The following ITGA2 variants were observed in gnomAD, a reference collection of about 807,000 sequenced individuals.
ITGA2 encodes integrin subunit alpha 2.
ITGA2 carries 101 observed loss-of-function variants against 146.3 expected under a neutral mutation model. That is an observed-to-expected ratio of 0.69 (90% CI 0.59 to 0.81). The LOEUF is 0.81. Ranked by LOEUF, ITGA2 falls within the 40% of genes least tolerant of loss-of-function variation. ITGA2 has a pLI of 0.00. For missense variants in ITGA2, 1,281 were observed against 1,402.7 expected (o/e 0.91, Z 1.39); for synonymous variants, 477 against 487.1 (o/e 0.98, Z 0.27).
chr5:53,010,549 C>T (rs28782593), intron 1 of ITGA2, among the ~76,000 whole-genome samples: 1,535 of 152,176 alleles, frequency 0.01, 28 homozygotes, highest in African/African-American at 0.035. Flanking sequence ...GAATTTTGCC[C>T]CAGGACAGAT....
At chr5:53,074,587 T>A in intron 21 of ITGA2, 110 bp downstream of exon 21, 1 of 828,834 alleles carries the variant, frequency 1.2e-6, no homozygotes, top group Non-Finnish European at 2.1e-6. Flanking sequence ...ACAAAATAAC[T>A]AGCTGCATAC....
intron 26 of ITGA2, among the ~76,000 whole-genome samples, 193 bp from the exon 27 acceptor site, chr5:53,083,147 G>A (rs886185591): frequency 1.3e-5 from 2 of 152,014 alleles, no homozygotes; most frequent in Non-Finnish European, 2.9e-5. Context: ...TGTGCACTTG[G>A]TACATTTTGA....
rs780727497 is a variant in ITGA2, at chr5:53,042,108, C to G, written c.186-4C>G. The G allele has an allele frequency of 6.3e-7, 1 of 1,579,284 alleles. No individual in the cohort carries two copies. Among genetic ancestry groups the G allele is most frequent in the Non-Finnish European group, 8.7e-7 (1 of 1,148,380 alleles). ...TGTGTCTAATAAAAAAAATGTGTTTCTAGGTTACTGGTTGGTTCACCCTGG... is the reference window on the plus strand; with the variant it reads ...TGTGTCTAATAAAAAAAATGTGTTTGTAGGTTACTGGTTGGTTCACCCTGG... On this transcript the variant is annotated splice_polypyrimidine_tract_variant and splice_region_variant and intron_variant, in intron 2 of 29. Transcript: ENST00000296585.
At chr5:53,073,916 T>C (rs1252143518) in intron 20 of ITGA2, among the ~76,000 whole-genome samples, 1 of 117,458 alleles carries the variant, frequency 8.5e-6, no homozygotes, top group African/African-American at 3.3e-5. Context: ...CTACTTCCTT[T>C]AAAGGGAAAA....
rs1309404904 is a variant in ITGA2, at chr5:53,065,863, C to G, written c.1829C>G (p.Ala610Gly). The change falls in exon 15 of 30, where the codon GCC (alanine) becomes GGC (glycine). Residue 610 changes from alanine to glycine, a missense_variant. Around this residue, in one of 3 missense-constraint regions of ITGA2, gnomAD observed 795 missense variants for 841.7 expected, o/e 0.94. Transcript: ENST00000296585. ...YSQKILGSDG[A>G]FRSHLQYFGR... The stretch of plus-strand genomic sequence containing the variant: ...TAGAAAATCTTGGGATCCGATGGAG[C>G]CTTTAGGAGCCATCTCCAGTACTTT... The G allele has an allele frequency of 6.2e-7, 1 of 1,611,748 alleles. No homozygotes were observed. Among genetic ancestry groups the G allele is most frequent in the South Asian group, 1.1e-5 (1 of 91,052 alleles).
At chr5:53,022,367 G>A (rs868816557) in intron 1 of ITGA2, among the ~76,000 whole-genome samples, 24 of 152,126 alleles carry the variant, frequency 1.6e-4, no homozygotes, top group African/African-American at 5.1e-4. Context: ...CTCAGGCTTT[G>A]CTACATTTTT....
At chr5:53,047,522 G>A (rs1744151069) in intron 4 of ITGA2, among the ~76,000 whole-genome samples, 2 of 152,176 alleles carry the variant, frequency 1.3e-5, no homozygotes, top group Admixed American at 6.5e-5. Context: ...TAATTGGGAA[G>A]TGGCCAAAGT....
At chr5:53,016,962 T>C (rs147959994) in intron 1 of ITGA2, among the ~76,000 whole-genome samples, 1 of 152,338 alleles carries the variant, frequency 6.6e-6, no homozygotes, top group African/African-American at 2.4e-5. Context: ...GAAATAGTCA[T>C]TTTGTCTTTC....
chr5:53,080,402 T>G (rs1579902979), intron 24 of ITGA2, 109 bp from the exon 25 acceptor site: 1 of 825,550 alleles, frequency 1.2e-6, no homozygotes. Context: ...TCATTTGGAC[T>G]CAGTCTTACC....
At chr5:53,018,647 C>T (rs556775630) in intron 1 of ITGA2, among the ~76,000 whole-genome samples, 68 of 152,084 alleles carry the variant, frequency 4.5e-4, no homozygotes, top group African/African-American at 1.5e-3. Context: ...TCTTGGCTCC[C>T]GTCTTGGTAT....
At chr5:52,993,258 C>G (rs986556311) in intron 1 of ITGA2, among the ~76,000 whole-genome samples, 1 of 152,160 alleles carries the variant, frequency 6.6e-6, no homozygotes, top group Non-Finnish European at 1.5e-5. Flanking sequence ...GATAAAGTAA[C>G]TTTGCTCCCC....
intron 11 of ITGA2, among the ~76,000 whole-genome samples, chr5:53,060,578 A>G (rs922570955): frequency 6.6e-6 from 1 of 151,868 alleles, no homozygotes; most frequent in African/African-American, 2.4e-5. Flanking sequence ...GTGCAACACT[A>G]CCTTTTAAAT....
chr5:52,989,814 G>GCACGCACA lies in ITGA2; in HGVS notation c.64+285_64+286insGCACACAC, dbSNP rs1554050586. On this transcript the variant is annotated intron_variant, in intron 1 of 29. Transcript: ENST00000296585. Reference sequence around the variant, plus strand: ...AGTGCTTTGTTTTAGGTACACACACGCACACACACACACACACACACAGAC... The same window carrying GCACGCACA: ...AGTGCTTTGTTTTAGGTACACACACGCACGCACACACACACACACACACACACACAGAC... Among the ~76,000 whole-genome samples the GCACGCACA allele has an allele frequency of 4.4e-4, 64 of 145,978 alleles. No individual in the cohort carries two copies. The East Asian group carries it at 0.012, about 28-fold the overall frequency.
At chr5:52,996,100 G>A (rs1334011664) in intron 1 of ITGA2, among the ~76,000 whole-genome samples, 1 of 152,178 alleles carries the variant, frequency 6.6e-6, no homozygotes, top group African/African-American at 2.4e-5. Flanking sequence ...GAAATGTAGA[G>A]AGTGTGAGAA....
In ITGA2 at chr5:53,073,162, T is replaced by G. The variant is rs759539816; in HGVS notation, c.2474T>G (p.Phe825Cys). ...IVSNQNKRLT[F>C]SVTLKNKRES... ...AGCAACCAAAACAAAAGGTTAACATTTTCAGTAACGCTGAAAAATAAAAGG... is the reference window on the plus strand; with the variant it reads ...AGCAACCAAAACAAAAGGTTAACATGTTCAGTAACGCTGAAAAATAAAAGG... The change falls in exon 20 of 30, where the codon TTT becomes TGT. Residue 825 changes from phenylalanine (F) to cysteine (C), a missense_variant. Physicochemically the swap from Phe to Cys is radical, Grantham distance 205 (BLOSUM62 -2). Around this residue, in one of 3 missense-constraint regions of ITGA2, gnomAD observed 475 missense variants for 530.5 expected, o/e 0.90. Transcript: ENST00000296585. 9.9e-6 allele frequency: 16 copies of G among 1,612,408 alleles called. No homozygotes were observed. In the East Asian group the frequency reaches 2.7e-4, roughly 27 times the overall value.
At chr5:53,012,571 T>A (rs1248129180) in intron 1 of ITGA2, among the ~76,000 whole-genome samples, 1 of 152,160 alleles carries the variant, frequency 6.6e-6, no homozygotes, top group Non-Finnish European at 1.5e-5. Flanking sequence ...TAGGCATGCA[T>A]GTGTCTTTAT....
intron 28 of ITGA2, among the ~76,000 whole-genome samples, chr5:53,088,260 TC>T (rs1740211475): frequency 6.6e-6 from 1 of 152,184 alleles, no homozygotes; most frequent in East Asian, 1.9e-4. Flanking sequence ...ATTAAATATA[TC>T]AATTGGAAAT....
chr5:53,010,531 A>G (rs1742072085), intron 1 of ITGA2, among the ~76,000 whole-genome samples: 1 of 152,096 alleles, frequency 6.6e-6, no homozygotes. Context: ...AGGCTTAGAG[A>G]TGGAGAGGAA....
chr5:53,048,450 TC>T lies in ITGA2; in HGVS notation c.476del (p.Ser159Ter). On this transcript the variant is annotated frameshift_variant, in exon 5 of 30. Coordinates refer to ENST00000296585, the MANE Select transcript of ITGA2 (RefSeq NM_002203.4). LOFTEE classifies it high-confidence loss of function. ...TGACATCAGTCCTGATTTTCAGCTC[TC>T]AGCCAGCTTCTCACCTGCAACTCAG... The part of the protein sequence containing the change: ...CSDISPDFQL[S>X]ASFSPATQPC... The T allele has an allele frequency of 6.2e-7, 1 of 1,614,174 alleles. No homozygotes were observed. The highest frequency in any genetic ancestry group is 8.5e-7 in the Non-Finnish European group (1 of 1,179,990).
Sources: gnomAD v4.1 joint callset for allele counts (sites outside exome capture counted in the v4.1 genomes callset) on GRCh38, gnomAD v4.1.1 for gene constraint, gnomAD v4.1.1 regional missense constraint, MANE v1.5 for transcripts, NCBI Gene and HGNC (gene_info 2026-07-23, HGNC 2026-07-21) for gene names.